The following MAGI1 variants were observed in gnomAD, a reference collection of about 807,000 sequenced individuals.
MAGI1 encodes membrane associated guanylate kinase, WW and PDZ domain containing 1, also known as membrane-associated guanylate kinase, WW and PDZ domain-containing protein 1.
Under a neutral mutation model 139.9 loss-of-function variants are expected in MAGI1, and 58 were observed. The observed-to-expected ratio is 0.41, with a 90% CI of 0.34 to 0.52. MAGI1 has a LOEUF of 0.52. Among genes scored for constraint, MAGI1 ranks in the 20% least tolerant of loss-of-function variants. The pLI is 0.12. For synonymous variants in MAGI1, 812 were observed against 737.9 expected, an observed-to-expected ratio of 1.10 and a Z score of -1.63; for missense variants, 1,874 against 1,901.6, an observed-to-expected ratio of 0.99 and a Z score of 0.27.
intron 1 of MAGI1, among the ~76,000 whole-genome samples, chr3:65,957,435 C>T (rs1034367514): frequency 3.0e-4 from 44 of 148,388 alleles, no homozygotes; most frequent in African/African-American, 1.1e-3. Context: ...GTGGGAAGAT[C>T]GCTTGAGCCT....
At chr3:65,455,547 C>CA (rs1415481314) in intron 5 of MAGI1, among the ~76,000 whole-genome samples, 1 of 151,936 alleles carries the variant, frequency 6.6e-6, no homozygotes. Flanking sequence ...GCCATCTCTA[C>CA]AAAAAAATAC....
At chr3:65,929,156 A>AG (rs973887641) in intron 1 of MAGI1, among the ~76,000 whole-genome samples, 6 of 150,898 alleles carry the variant, frequency 4.0e-5, no homozygotes, top group African/African-American at 1.5e-4. Flanking sequence ...AATGCCGCAA[A>AG]AAAAAAGAAA....
At chr3:65,359,327 CAAAT>C in intron 22 of MAGI1, 10 of 1,416,974 alleles carry the variant, frequency 7.1e-6, no homozygotes, top group Non-Finnish European at 9.2e-6. Flanking sequence ...AGGCAACACT[CAAAT>C]AAGGCTGCAG....
At chr3:65,945,210 T>G (rs74476207) in intron 1 of MAGI1, among the ~76,000 whole-genome samples, 2,861 of 152,270 alleles carry the variant, frequency 0.019, 90 homozygotes, top group African/African-American at 0.066. Flanking sequence ...ATTTGGTTTT[T>G]TTGTTGTTGT....
intron 1 of MAGI1, among the ~76,000 whole-genome samples, chr3:65,952,511 A>G (rs1410124949): frequency 6.6e-6 from 1 of 152,148 alleles, no homozygotes; most frequent in Non-Finnish European, 1.5e-5. Context: ...TAGAATATTT[A>G]CCAACCAGAA....
At chr3:65,925,123 C>T (rs1388430767) in intron 1 of MAGI1, 1 of 152,174 alleles carries the variant, frequency 6.6e-6, no homozygotes, top group Non-Finnish European at 1.5e-5. Context: ...TCGTCTACTT[C>T]CATTGCTCAT....
intron 2 of MAGI1, among the ~76,000 whole-genome samples, chr3:65,575,970 G>A (rs934574685): frequency 3.9e-5 from 6 of 152,098 alleles, no homozygotes; most frequent in South Asian, 2.1e-4. Context: ...ATGTATGTTC[G>A]TTTTCTTAAT....
chr3:65,476,835 G>T (rs1403962353), intron 4 of MAGI1, among the ~76,000 whole-genome samples: 2 of 152,110 alleles, frequency 1.3e-5, no homozygotes, highest in East Asian at 3.9e-4. Flanking sequence ...TTTTGGTAAG[G>T]GCCACTATAA....
intron 12 of MAGI1, among the ~76,000 whole-genome samples, chr3:65,415,798 G>A (rs1050206220): frequency 2.0e-5 from 3 of 152,204 alleles, no homozygotes; most frequent in African/African-American, 7.2e-5. Context: ...CCTGTCTGAA[G>A]ACATTATTGG....
intron 2 of MAGI1, among the ~76,000 whole-genome samples, chr3:65,600,175 T>C (rs1010105869): frequency 6.6e-6 from 1 of 152,186 alleles, no homozygotes; most frequent in Non-Finnish European, 1.5e-5. Context: ...GATTGTACAG[T>C]ACAAATTAAA....
In MAGI1 at chr3:65,466,302, AT is replaced by A. The variant is rs563340934; in HGVS notation, c.959+3980del. On this transcript the variant is annotated intron_variant, in intron 5 of 22. Transcript: ENST00000402939. ...TTCCTGATTCTTAGGATAATAAGTG[AT>A]TTTTTTTATTAACATGGATTTTTTG... Among the ~76,000 whole-genome samples, 129 of 151,994 alleles carry A rather than the reference AT, an allele frequency of 8.5e-4. 2 individuals carry two copies. The South Asian group carries it at 0.025, about 30-fold the overall frequency.
At chr3:65,919,697 CT>C (rs2062082190) in intron 1 of MAGI1, among the ~76,000 whole-genome samples, 2 of 151,990 alleles carry the variant, frequency 1.3e-5, no homozygotes, top group African/African-American at 4.8e-5. Flanking sequence ...CTCTCTCTCT[CT>C]CTCTCTCTCT....
rs550312993 is a variant in MAGI1, at chr3:65,602,237, T to C, written c.430+19735A>G. 2.0e-3 allele frequency among the ~76,000 whole-genome samples: 307 copies of C among 152,204 alleles called. 3 individuals are homozygous for C. The South Asian group carries it at 0.034, about 17-fold the overall frequency. ...AGAGAAATAAAAACATACATCCACA[T>C]AAAAACATATACATGAATGTTATAG... On this transcript the variant is annotated intron_variant, in intron 2 of 22. Coordinates refer to ENST00000402939, the MANE Select transcript of MAGI1 (RefSeq NM_001033057.2).
At chr3:65,443,166 C>A (rs1948460780) in intron 7 of MAGI1, among the ~76,000 whole-genome samples, 1 of 152,076 alleles carries the variant, frequency 6.6e-6, no homozygotes, top group African/African-American at 2.4e-5. Context: ...TGCCTAGTTC[C>A]TATCTTAAAT....
intron 1 of MAGI1, among the ~76,000 whole-genome samples, chr3:65,987,586 T>TTAAAAAAGAAAGGAAAGAAAA (rs2065945658): frequency 1.3e-5 from 2 of 152,194 alleles, no homozygotes; most frequent in Admixed American, 1.3e-4. Flanking sequence ...CCTTCCTGCC[T>TTAAAAAAGAAAGGAAAGAAAA]GCCTGCTTTT....
intron 1 of MAGI1, among the ~76,000 whole-genome samples, chr3:65,738,845 A>G (rs1202623068): frequency 6.6e-6 from 1 of 152,232 alleles, no homozygotes; most frequent in Non-Finnish European, 1.5e-5. Flanking sequence ...CAGATGTGCT[A>G]TCATTCAGGC....
intron 1 of MAGI1, among the ~76,000 whole-genome samples, chr3:65,771,393 G>C (rs1475816523): frequency 6.6e-6 from 1 of 152,042 alleles, no homozygotes; most frequent in African/African-American, 2.4e-5. Context: ...AGTCCTAAAG[G>C]TGTTTCTTAA....
chr3:65,748,787 T>C (rs867678412), intron 1 of MAGI1, among the ~76,000 whole-genome samples: 1 of 152,204 alleles, frequency 6.6e-6, no homozygotes, highest in African/African-American at 2.4e-5. Context: ...GGGGGAGTTA[T>C]TGTCAAAATC....
intron 1 of MAGI1, among the ~76,000 whole-genome samples, chr3:65,734,691 A>G (rs1198787164): frequency 6.6e-6 from 1 of 152,110 alleles, no homozygotes; most frequent in East Asian, 1.9e-4. Context: ...CAACACAAAT[A>G]TATGACTGCT....
Sources: gnomAD v4.1 joint callset for allele counts (sites outside exome capture counted in the v4.1 genomes callset) on GRCh38, gnomAD v4.1.1 for gene constraint, MANE v1.5 for transcripts, NCBI Gene and HGNC (gene_info 2026-07-23, HGNC 2026-07-21) for gene names.